The following AKR1C8 variants were observed in gnomAD, a reference collection of about 807,000 sequenced individuals.
AKR1C8 encodes the protein aldo-keto reductase family 1 member C-like protein 1.
chr10:5,117,303 C>A, the AKR1C8 span, among the ~76,000 whole-genome samples: 1 of 152,110 alleles, frequency 6.6e-6, no homozygotes, highest in Non-Finnish European at 1.5e-5. Context: ...CCTCAGATAA[C>A]AAGACCTATT....
chr10:5,181,521 A>T, the AKR1C8 span, among the ~76,000 whole-genome samples: 6 of 152,162 alleles, frequency 3.9e-5, no homozygotes, highest in Admixed American at 3.9e-4. Flanking sequence ...CCTGACCCCT[A>T]ATGTTTAAAT....
the AKR1C8 span, among the ~76,000 whole-genome samples, chr10:5,144,666 C>T: frequency 4.6e-5 from 7 of 152,098 alleles, no homozygotes; most frequent in African/African-American, 1.7e-4. Flanking sequence ...CATGATTTGG[C>T]TCTCTGTCTG....
the AKR1C8 span, among the ~76,000 whole-genome samples, chr10:5,123,017 T>C: frequency 4.6e-5 from 7 of 152,198 alleles, no homozygotes; most frequent in African/African-American, 1.7e-4. Context: ...CAGATGTCGC[T>C]AGCACAGGAA....
the AKR1C8 span, chr10:5,123,751 C>T: frequency 6.2e-7 from 1 of 1,612,720 alleles, no homozygotes. Context: ...CTGTGGGCAA[C>T]CAGAACAATG....
the AKR1C8 span, among the ~76,000 whole-genome samples, chr10:5,137,462 C>T: frequency 1.2e-4 from 18 of 152,072 alleles, no homozygotes; most frequent in East Asian, 5.8e-4. Context: ...AATCAATAAA[C>T]GTAATCTATC....
the AKR1C8 span, among the ~76,000 whole-genome samples, chr10:5,142,823 T>C: frequency 6.6e-6 from 1 of 152,086 alleles, no homozygotes; most frequent in Non-Finnish European, 1.5e-5. Flanking sequence ...TACTGAAATG[T>C]GGGGAAAAAA....
the AKR1C8 span, among the ~76,000 whole-genome samples, chr10:5,146,744 C>T: frequency 6.6e-6 from 1 of 152,130 alleles, no homozygotes; most frequent in Admixed American, 6.5e-5. Flanking sequence ...TTAATTAGGT[C>T]CCAGCTACTT....
chr10:5,137,075 A>G, the AKR1C8 span, among the ~76,000 whole-genome samples: 1 of 152,198 alleles, frequency 6.6e-6, no homozygotes, highest in Admixed American at 6.5e-5. Context: ...AGGAAACAAT[A>G]TACATATCTT....
At chr10:5,164,415 A>C in the AKR1C8 span, among the ~76,000 whole-genome samples, 1 of 151,508 alleles carries the variant, frequency 6.6e-6, no homozygotes, top group Non-Finnish European at 1.5e-5. Context: ...AAGTCAAAAA[A>C]CTTTGGGTGA....
At chr10:5,152,269 A>AT in the AKR1C8 span, among the ~76,000 whole-genome samples, 6 of 152,098 alleles carry the variant, frequency 3.9e-5, no homozygotes, top group Non-Finnish European at 5.9e-5. Context: ...TTGAAACATA[A>AT]TTTTTGTCTT....
the AKR1C8 span, among the ~76,000 whole-genome samples, chr10:5,140,655 G>A: frequency 6.6e-6 from 1 of 151,932 alleles, no homozygotes; most frequent in Non-Finnish European, 1.5e-5. Context: ...TGTGGGGTGG[G>A]GGGTTGGGGG....
the AKR1C8 span, chr10:5,154,132 G>C: frequency 1.9e-5 from 9 of 469,410 alleles, no homozygotes; most frequent in Admixed American, 1.9e-4. Context: ...ATGTTCAATA[G>C]CTCATGGTCA....
At chr10:5,124,394 T>C in the AKR1C8 span, among the ~76,000 whole-genome samples, 3 of 152,132 alleles carry the variant, frequency 2.0e-5, no homozygotes, top group East Asian at 3.9e-4. Context: ...TTCTAGGATA[T>C]GAATAATTAA....
chr10:5,149,016 T>C, the AKR1C8 span, among the ~76,000 whole-genome samples: 1 of 152,154 alleles, frequency 6.6e-6, no homozygotes, highest in Non-Finnish European at 1.5e-5. Flanking sequence ...ACAGATTCTG[T>C]CTTTACTACT....
the AKR1C8 span, among the ~76,000 whole-genome samples, chr10:5,167,723 T>C: frequency 6.6e-6 from 1 of 152,134 alleles, no homozygotes; most frequent in South Asian, 2.1e-4. Flanking sequence ...GGCACATGTA[T>C]ACATATGTAA....
the AKR1C8 span, among the ~76,000 whole-genome samples, chr10:5,139,554 G>A: frequency 6.6e-6 from 1 of 152,126 alleles, no homozygotes; most frequent in African/African-American, 2.4e-5. Flanking sequence ...ATGGGGAAAG[G>A]ATTCCCTATT....
the AKR1C8 span, chr10:5,154,286 C>G: frequency 9.1e-6 from 4 of 438,308 alleles, no homozygotes; most frequent in Middle Eastern, 3.5e-4. Flanking sequence ...TTTACCACCA[C>G]GTCCCTACTT....
the AKR1C8 span, among the ~76,000 whole-genome samples, chr10:5,119,492 A>G: frequency 6.6e-6 from 1 of 152,232 alleles, no homozygotes; most frequent in Admixed American, 6.5e-5. Context: ...CCAAATGTAA[A>G]TTATTCTGGA....
the AKR1C8 span, chr10:5,122,114 G>T: frequency 2.7e-6 from 1 of 375,206 alleles, no homozygotes. Context: ...GGAGATTTCC[G>T]TTGAGGCTGT....
Sources: allele counts gnomAD v4.1 joint callset (sites outside exome capture counted in the v4.1 genomes callset), GRCh38; gene constraint gnomAD v4.1.1; transcripts MANE v1.5; gene names NCBI Gene and HGNC (gene_info 2026-07-23, HGNC 2026-07-21).